The following ADGRF5 variants were observed in gnomAD, a reference collection of about 807,000 sequenced individuals.
ADGRF5 encodes adhesion G protein-coupled receptor F5.
ADGRF5 carries 75 observed loss-of-function variants against 132.3 expected under a neutral mutation model. The observed-to-expected ratio is 0.57, with a 90% CI of 0.47 to 0.69. The LOEUF is 0.69. Ranked by LOEUF, ADGRF5 falls within the 30% of genes least tolerant of loss-of-function variation. The pLI is 0.00. For missense variants in ADGRF5, 1,516 were observed against 1,630.6 expected, an observed-to-expected ratio of 0.93 and a Z score of 1.21; for synonymous variants, 629 against 597.6, an observed-to-expected ratio of 1.05 and a Z score of -0.77.
upstream of ADGRF5, among the ~76,000 whole-genome samples, chr6:46,926,809 A>G (rs530360689): frequency 3.9e-5 from 6 of 152,176 alleles, no homozygotes; most frequent in Non-Finnish European, 7.4e-5. Context: ...ATTTGAGGAC[A>G]TGGCATTCCT....
At chr6:46,925,954 G>A (rs1448409303), upstream of ADGRF5, among the ~76,000 whole-genome samples, 1 of 151,890 alleles carries the variant, frequency 6.6e-6, no homozygotes, top group Non-Finnish European at 1.5e-5. Context: ...CCAGACGTTG[G>A]TAACCCTTTT....
At position 46,900,046 on chromosome 6, in the gene ADGRF5, A is replaced by C; in HGVS notation, c.140T>G (p.Leu47Arg). The C allele has an allele frequency of 6.2e-7, 1 of 1,612,560 alleles. No individual in the cohort carries two copies. The highest frequency in any genetic ancestry group is 8.5e-7 in the Non-Finnish European group (1 of 1,178,554). Reference sequence around the variant, plus strand: ...TTACATACCGGCTCGTTTTTGCCTCAGTGCCTCTTCACCAGCTGGTTCATG... The same window carrying C: ...TTACATACCGGCTCGTTTTTGCCTCCGTGCCTCTTCACCAGCTGGTTCATG... ...HEHEPAGEEA[L>R]RQKRAVATKS... Residue 47 changes from leucine (L) to arginine (R), a missense_variant, in exon 3 of 21, where the codon CTG becomes CGG. Around this residue, in one of 2 missense-constraint regions of ADGRF5, gnomAD observed 945 missense variants for 929.4 expected, o/e 1.02. Coordinates refer to ENST00000283296, the MANE Select transcript of ADGRF5 (RefSeq NM_001098518.2).
intron 15 of ADGRF5, among the ~76,000 whole-genome samples, chr6:46,861,536 C>T (rs566966005): frequency 2.6e-5 from 4 of 152,264 alleles, no homozygotes; most frequent in South Asian, 2.1e-4. Context: ...CCTCTGAATG[C>T]GTAAGTATTG....
At position 46,884,436 on chromosome 6, in the gene ADGRF5, T is replaced by G. The variant is rs116742363; in HGVS notation, c.329-165A>C. Among the ~76,000 whole-genome samples the G allele has an allele frequency of 2.5e-3, 384 of 152,378 alleles. 5 individuals are homozygous for G. Among genetic ancestry groups the G allele is most frequent in the African/African-American group, 9.0e-3 (375 of 41,600 alleles). On this transcript the variant is annotated intron_variant, in intron 4 of 20. Transcript: ENST00000283296. ...TGCATAAAATTGATATTTGCATGTA[T>G]GCATCACCATGCTATTAGCCATGAC...
At chr6:46,943,151 CAA>C (rs141970567) in intron 1 of ADGRF5, among the ~76,000 whole-genome samples, 2 of 141,890 alleles carry the variant, frequency 1.4e-5, no homozygotes, top group African/African-American at 5.2e-5. Flanking sequence ...CTTACACATA[CAA>C]AAAAAAAAAC....
chr6:46,950,934 T>G (rs1380775720), intron 1 of ADGRF5, among the ~76,000 whole-genome samples: 1 of 152,228 alleles, frequency 6.6e-6, no homozygotes, highest in African/African-American at 2.4e-5. Flanking sequence ...TACAATCACT[T>G]GTTCAAGACA....
intron 1 of ADGRF5, among the ~76,000 whole-genome samples, chr6:46,931,809 A>G (rs900808802): frequency 6.6e-6 from 1 of 152,122 alleles, no homozygotes; most frequent in African/African-American, 2.4e-5. Context: ...AATCCCAGCT[A>G]CTCGGGAGGC....
At position 46,860,918 on chromosome 6, in the gene ADGRF5, A is replaced by C. The variant is rs186459338; in HGVS notation, c.2200-24T>G. The C allele has an allele frequency of 3.1e-3, 4,829 of 1,563,794 alleles. 13 individuals carry two copies. The highest frequency in any genetic ancestry group is 4.3e-3 in the Admixed American group (227 of 52,770). ...GCCTAGTAAAACAAAAGCCAACACA[A>C]AAAAAAATTTACCAATCAATTCAGC... On this transcript the variant is annotated intron_variant, in intron 15 of 20. Transcript: ENST00000283296.
At chr6:46,904,966 C>G in intron 2 of ADGRF5, among the ~76,000 whole-genome samples, 1 of 152,162 alleles carries the variant, frequency 6.6e-6, no homozygotes, top group East Asian at 1.9e-4. Flanking sequence ...AGATGGATTT[C>G]ACATTCCACC....
chr6:46,867,806 G>C (rs1272357660), intron 12 of ADGRF5, among the ~76,000 whole-genome samples: 1 of 152,228 alleles, frequency 6.6e-6, no homozygotes, highest in African/African-American at 2.4e-5. Context: ...CGGGGGGGAA[G>C]AGGGAATTTA....
At chr6:46,917,955 A>G (rs1562238096) in intron 1 of ADGRF5, among the ~76,000 whole-genome samples, 1 of 152,272 alleles carries the variant, frequency 6.6e-6, no homozygotes, top group African/African-American at 2.4e-5. Flanking sequence ...AATGCCTGTA[A>G]CTTGCTTTCC....
intron 10 of ADGRF5, among the ~76,000 whole-genome samples, chr6:46,876,797 G>T (rs1393218584): frequency 2.6e-5 from 4 of 152,150 alleles, no homozygotes; most frequent in Admixed American, 2.0e-4. Flanking sequence ...TAGAGATGGG[G>T]TTTCACCGTG....
chr6:46,923,266 T>G (rs183303676), upstream of ADGRF5, among the ~76,000 whole-genome samples: 1 of 152,142 alleles, frequency 6.6e-6, no homozygotes, highest in African/African-American at 2.4e-5. Context: ...GGGATAATAA[T>G]AGTACTGAGT....
rs67565937 is a variant in ADGRF5, at chr6:46,862,703, C to CTTTTTTTTTTTTTTTT, written c.2199+169_2199+184dup. Among the ~76,000 whole-genome samples, 82 of 26,510 alleles carry CTTTTTTTTTTTTTTTT rather than the reference C, an allele frequency of 3.1e-3. 25 individuals carry two copies. The highest frequency in any genetic ancestry group is 4.8e-3 in the South Asian group (1 of 208). The allele number at this position is 26,510 out of a possible 152,430, so 17.4% of individuals were successfully genotyped here. ...AGTTGTCTTAGTATTTGAATTGAGGCTTTTTTTTTTTTTTTTTTTTTTTTT... is the reference window on the plus strand; with the variant it reads ...AGTTGTCTTAGTATTTGAATTGAGGCTTTTTTTTTTTTTTTTTTTTTTTTTTTTTTTTTTTTTTTTT... On this transcript the variant is annotated intron_variant, in intron 15 of 20. Coordinates refer to ENST00000283296, the MANE Select transcript of ADGRF5 (RefSeq NM_001098518.2).
At chr6:46,951,089 T>A (rs1190490462) in intron 1 of ADGRF5, among the ~76,000 whole-genome samples, 2 of 152,228 alleles carry the variant, frequency 1.3e-5, no homozygotes, top group African/African-American at 4.8e-5. Context: ...TCATGCAGGT[T>A]AATATCCCTT....
At chr6:46,917,756 G>C (rs1027298593) in intron 1 of ADGRF5, among the ~76,000 whole-genome samples, 7 of 152,064 alleles carry the variant, frequency 4.6e-5, no homozygotes, top group African/African-American at 1.7e-4. Context: ...TTATGAGTGA[G>C]AACATGCAGT....
chr6:46,930,965 G>C (rs1777530011), intron 1 of ADGRF5, among the ~76,000 whole-genome samples: 2 of 152,046 alleles, frequency 1.3e-5, no homozygotes, highest in Admixed American at 6.5e-5. Flanking sequence ...GAGGTGGGAG[G>C]ATCACTTAAG....
Position 46,874,732 on chromosome 6 carries a change from G to A in ADGRF5, c.1241-2719C>T, listed in dbSNP as rs567143752. ...GGGGCTGTGTTGAGGGGGGTGGAAG[G>A]ATAATAAACTGTGTGGGCTCCAATC... On this transcript the variant is annotated intron_variant, in intron 10 of 20. Transcript: ENST00000283296. Among the ~76,000 whole-genome samples the A allele has an allele frequency of 4.6e-5, 7 of 152,286 alleles. No individual in the cohort carries two copies. The East Asian group carries it at 1.4e-3, about 29-fold the overall frequency.
At chr6:46,886,528 G>C (rs1044774548) in intron 4 of ADGRF5, 2 of 152,170 alleles carry the variant, frequency 1.3e-5, no homozygotes, top group African/African-American at 4.8e-5. Flanking sequence ...ACATGCCTTA[G>C]GAGAATGGAA....
Sources: allele counts gnomAD v4.1 joint callset (sites outside exome capture counted in the v4.1 genomes callset), GRCh38; gene constraint gnomAD v4.1.1; regional missense constraint gnomAD v4.1.1; transcripts MANE v1.5; gene names NCBI Gene and HGNC (gene_info 2026-07-23, HGNC 2026-07-21).